CTTNBP2NL: variants seen among roughly 807,000 people sequenced by gnomAD.
CTTNBP2NL encodes CTTNBP2 N-terminal like.
Under a neutral mutation model 32.5 loss-of-function variants are expected in CTTNBP2NL, and 16 were observed. The observed-to-expected ratio is 0.49, with a 90% confidence interval of 0.33 to 0.75. CTTNBP2NL has a LOEUF of 0.75. CTTNBP2NL is among the 30% of genes least tolerant of loss of function. The pLI is 0.02. For missense variants in CTTNBP2NL, 645 were observed against 756.0 expected, an observed-to-expected ratio of 0.85 and a Z score of 1.72; for synonymous variants, 298 against 289.4, an observed-to-expected ratio of 1.03 and a Z score of -0.30.
chr1:112,448,985 A>G lies in CTTNBP2NL; in HGVS notation c.143A>G (p.Tyr48Cys). 6.2e-7 allele frequency: 1 copy of G among 1,613,378 alleles called. No individual in the cohort carries two copies. Among genetic ancestry groups the G allele is most frequent in the Middle Eastern group, 1.7e-4 (1 of 6,054 alleles). The change falls in exon 4 of 6, where the codon TAT becomes TGT. Residue 48 changes from tyrosine to cysteine, a missense_variant. Transcript: ENST00000271277. ...DTFIEERYGKYNISDPLMALQ... is the reference protein window; with the variant it reads ...DTFIEERYGKCNISDPLMALQ... ...TTCATTGAAGAACGCTATGGAAAAT[A>G]TAACATCAGTGATCCTTTAATGGCT...
intron 3 of CTTNBP2NL, among the ~76,000 whole-genome samples, chr1:112,418,966 A>G (rs144638611): frequency 2.3e-4 from 35 of 152,298 alleles, no homozygotes; most frequent in African/African-American, 7.9e-4. Context: ...TCTGTGACTA[A>G]ATAGAATCCA....
At chr1:112,409,678 C>T (rs540945312) in intron 1 of CTTNBP2NL, among the ~76,000 whole-genome samples, 6 of 152,124 alleles carry the variant, frequency 3.9e-5, no homozygotes, top group East Asian at 1.9e-4. Context: ...TTTCTTTTTC[C>T]GCCATTCAGT....
At chr1:112,400,189 G>A (rs1033464057) in intron 1 of CTTNBP2NL, among the ~76,000 whole-genome samples, 1 of 152,172 alleles carries the variant, frequency 6.6e-6, no homozygotes. Flanking sequence ...CTTATCATGA[G>A]CCTGGAGAAT....
intron 1 of CTTNBP2NL, among the ~76,000 whole-genome samples, chr1:112,399,318 C>CAAAAAAAA (rs72332884): frequency 3.7e-4 from 29 of 77,872 alleles, no homozygotes; most frequent in East Asian, 2.2e-3. Flanking sequence ...GACTCTGTCT[C>CAAAAAAAA]AAAAAAAAAA....
chr1:112,401,447 C>T (rs1310570488), intron 1 of CTTNBP2NL, among the ~76,000 whole-genome samples: 1 of 152,174 alleles, frequency 6.6e-6, no homozygotes, highest in Non-Finnish European at 1.5e-5. Context: ...ACTCTAAGCT[C>T]TACTATCTTT....
chr1:112,453,662 G>A (rs974771767), intron 4 of CTTNBP2NL, among the ~76,000 whole-genome samples: 5 of 152,136 alleles, frequency 3.3e-5, no homozygotes, highest in Admixed American at 3.3e-4. Flanking sequence ...TGAGAGGTGG[G>A]AGAATCTCTT....
chr1:112,448,847 T>C (rs1329646547), intron 3 of CTTNBP2NL, 95 bp from the exon 4 acceptor site: 5 of 698,366 alleles, frequency 7.2e-6, no homozygotes, highest in South Asian at 1.8e-5. Context: ...TTTATACTAA[T>C]ACCACAACCT....
At chr1:112,443,673 T>C (rs1649958660) in intron 3 of CTTNBP2NL, among the ~76,000 whole-genome samples, 1 of 152,196 alleles carries the variant, frequency 6.6e-6, no homozygotes, top group African/African-American at 2.4e-5. Flanking sequence ...ATCATGACAA[T>C]TTTCTCTCTT....
In CTTNBP2NL at chr1:112,457,227, C is replaced by G. The variant is rs751535402; in HGVS notation, c.1735C>G (p.Pro579Ala). The change falls in exon 6 of 6, where the codon CCT becomes GCT. Residue 579 changes from proline to alanine, a missense_variant. Coordinates refer to ENST00000271277, the MANE Select transcript of CTTNBP2NL (RefSeq NM_018704.3). The part of the protein sequence containing the change: ...PTIPRAERGN[P>A]PPIPPKKPGL... ...CATCCCCAGAGCTGAGAGAGGAAAC[C>G]CTCCACCCATCCCACCCAAGAAACC... The G allele has an allele frequency of 4.3e-6, 7 of 1,614,086 alleles. No homozygotes were observed. The South Asian group carries it at 7.7e-5, about 18-fold the overall frequency.
intron 3 of CTTNBP2NL, among the ~76,000 whole-genome samples, chr1:112,434,546 C>T (rs190615933): frequency 2.0e-5 from 3 of 152,262 alleles, no homozygotes; most frequent in Admixed American, 6.5e-5. Context: ...CACTCTGCTA[C>T]TCATCTTATA....
chr1:112,406,179 G>A (rs935634243), intron 1 of CTTNBP2NL, among the ~76,000 whole-genome samples: 5 of 149,954 alleles, frequency 3.3e-5, no homozygotes, highest in South Asian at 2.1e-4. Flanking sequence ...GTGAGACTCC[G>A]TCTCAAAAAA....
In CTTNBP2NL at chr1:112,456,938, T is replaced by G. The variant is rs1650385852; in HGVS notation, c.1446T>G (p.Pro482=). The change falls in exon 6 of 6, where the codon CCT becomes CCG. Residue 482 remains proline (P), a synonymous_variant. Coordinates refer to ENST00000271277, the MANE Select transcript of CTTNBP2NL (RefSeq NM_018704.3). ...AACAAGCCAGTGGCCTACAGAGCCC[T>G]CCATCCAGGGATTTATCCCCCACCC... The part of the protein sequence containing the change: ...QDQQASGLQS[P]PSRDLSPTLI... The G allele has an allele frequency of 2.5e-6, 4 of 1,613,844 alleles. No individual in the cohort carries two copies. Among genetic ancestry groups the G allele is most frequent in the Non-Finnish European group, 3.4e-6 (4 of 1,180,008 alleles).
chr1:112,431,544 A>G (rs373878778), intron 3 of CTTNBP2NL, among the ~76,000 whole-genome samples: 8 of 152,362 alleles, frequency 5.3e-5, no homozygotes, highest in African/African-American at 1.7e-4. Context: ...GCATAGTAAT[A>G]TAACTATTCT....
intron 2 of CTTNBP2NL, 98 bp from the exon 3 acceptor site, chr1:112,416,059 G>A: frequency 1.4e-6 from 1 of 695,740 alleles, no homozygotes; most frequent in Middle Eastern, 3.3e-4. Flanking sequence ...TAAGGCATTT[G>A]ATACTATAAT....
rs1483529545 is a variant in CTTNBP2NL, at chr1:112,455,947, C to T, written c.455C>T (p.Ser152Phe). 4.0e-5 allele frequency: 63 copies of T among 1,576,860 alleles called. No individual in the cohort carries two copies. The highest frequency in any genetic ancestry group is 5.4e-5 in the Non-Finnish European group (63 of 1,165,790). ...RLTQQLEFEK[S>F]QVKKFEKEQK... ...TTTTTCTAGTTGGAATTTGAAAAAT[C>T]CCAAGTGAAAAAGTTTGAAAAAGAA... The change falls in exon 6 of 6, where the codon TCC becomes TTC. Residue 152 changes from serine (S) to phenylalanine (F), a missense_variant. By Grantham distance (155) the Ser-to-Phe change is radical. Transcript: ENST00000271277.
intron 1 of CTTNBP2NL, among the ~76,000 whole-genome samples, chr1:112,402,440 C>T (rs1648535819): frequency 6.6e-6 from 1 of 151,920 alleles, no homozygotes; most frequent in Non-Finnish European, 1.5e-5. Flanking sequence ...AAGTGAGAGC[C>T]AGGGAAGGAG....
At chr1:112,453,436 T>G (rs181539079) in intron 4 of CTTNBP2NL, among the ~76,000 whole-genome samples, 1 of 152,146 alleles carries the variant, frequency 6.6e-6, no homozygotes, top group Non-Finnish European at 1.5e-5. Context: ...TAGATGGGAT[T>G]ATGTGAAAAA....
chr1:112,455,070 G>A (rs183430442), intron 5 of CTTNBP2NL, among the ~76,000 whole-genome samples: 6 of 152,132 alleles, frequency 3.9e-5, no homozygotes, highest in Admixed American at 1.3e-4. Flanking sequence ...AATTCTAGTC[G>A]TGGCTCAGTT....
Position 112,448,972 on chromosome 1 carries a change from C to T in CTTNBP2NL, c.130C>T (p.Arg44Cys), listed in dbSNP as rs866153604. 9 of 1,611,000 alleles carry T rather than the reference C, an allele frequency of 5.6e-6. No homozygotes were observed. In the African/African-American group the frequency reaches 6.7e-5, roughly 12 times the overall value. The change falls in exon 4 of 6, where the codon CGC becomes TGC. Residue 44 changes from arginine (R) to cysteine (C), a missense_variant. Transcript: ENST00000271277. ...AQHRDTFIEE[R>C]YGKYNISDPL... ...ACACAGAGATACTTTCATTGAAGAA[C>T]GCTATGGAAAATATAACATCAGTGA...
Sources: allele counts gnomAD v4.1 joint callset (sites outside exome capture counted in the v4.1 genomes callset), GRCh38; gene constraint gnomAD v4.1.1; transcripts MANE v1.5; gene names NCBI Gene and HGNC (gene_info 2026-07-23, HGNC 2026-07-21).